The following ACBD6 variants were observed in gnomAD, a reference collection of about 807,000 sequenced individuals.
ACBD6 encodes acyl-CoA binding domain containing 6.
A neutral mutation model predicts 37.2 loss-of-function variants in ACBD6; 28 were observed. The ratio of observed to expected loss-of-function variants is 0.75; its 90% CI spans 0.56 to 1.03. The LOEUF (loss-of-function observed/expected upper bound fraction) is 1.03. Among genes scored for constraint, ACBD6 ranks in the 50% least tolerant of loss-of-function variants. The pLI is 0.00. For missense variants in ACBD6, 340 were observed against 337.4 expected (o/e 1.01, Z -0.06); for synonymous variants, 113 against 126.8 (o/e 0.89, Z 0.73).
rs150497052 is a variant in ACBD6 at position 180,447,624 on chromosome 1, A to G, written c.385-17362T>C. On this transcript the variant is annotated intron_variant, in intron 3 of 7. Coordinates refer to ENST00000367595, the MANE Select transcript of ACBD6 (RefSeq NM_032360.4). ...CATGGAAAACTACCTTCAGGTTATT[A>G]TGACTAATTTTCTAGAAATATAACA... is the stretch of plus-strand genomic sequence containing the variant. Among the ~76,000 whole-genome samples the G allele has an allele frequency of 6.3e-3, 963 of 152,266 alleles. 9 individuals are homozygous for G. Among genetic ancestry groups the G allele is most frequent in the African/African-American group, 0.022 (915 of 41,572 alleles).
rs140521369 is a variant in ACBD6 at position 180,293,496 on chromosome 1, C to T, written c.695-4979G>A. Among the ~76,000 whole-genome samples, 914 of 152,036 alleles carry T rather than the reference C, an allele frequency of 6.0e-3. 6 individuals carry two copies. The highest frequency in any genetic ancestry group is 0.011 in the Non-Finnish European group (722 of 67,956). On this transcript the variant is annotated intron_variant, in intron 7 of 7. Coordinates refer to ENST00000367595, the MANE Select transcript of ACBD6 (RefSeq NM_032360.4). ...CTAATTTTTGTATTTTTAGTAGAGA[C>T]GGGGTTTTGCCACATTGGCCAGGCT...
At chr1:180,296,837 G>A (rs1486754624) in intron 7 of ACBD6, among the ~76,000 whole-genome samples, 1 of 150,990 alleles carries the variant, frequency 6.6e-6, no homozygotes, top group Non-Finnish European at 1.5e-5. Flanking sequence ...AAGAATAGGT[G>A]AACTCTCAGC....
chr1:180,442,806 T>A (rs2102015434), intron 3 of ACBD6, among the ~76,000 whole-genome samples: 1 of 152,018 alleles, frequency 6.6e-6, no homozygotes, highest in East Asian at 1.9e-4. Flanking sequence ...ATCTAAAAGT[T>A]CCATTTTGAT....
chr1:180,380,422 AT>A (rs1400083505), intron 6 of ACBD6, among the ~76,000 whole-genome samples: 1 of 152,138 alleles, frequency 6.6e-6, no homozygotes, highest in Non-Finnish European at 1.5e-5. Context: ...TGGATGATAT[AT>A]TCAAAGTCCT....
chr1:180,366,735 C>T (rs1653068776), intron 6 of ACBD6, among the ~76,000 whole-genome samples: 1 of 152,044 alleles, frequency 6.6e-6, no homozygotes, highest in Non-Finnish European at 1.5e-5. Context: ...AAAAGTTACA[C>T]TGAAAGGAAA....
At position 180,449,751 on chromosome 1, in the gene ACBD6, C is replaced by T. The variant is rs1020955859; in HGVS notation, c.385-19489G>A. 8.6e-5 allele frequency among the ~76,000 whole-genome samples: 13 copies of T among 151,434 alleles called. No homozygotes were observed. In the East Asian group the frequency reaches 9.7e-4, roughly 11 times the overall value. ...ACACAGGGTGGGGAACATCACACACCGGGGCCTGTTGTAGGGTGGGGACAG... is the reference window on the plus strand; with the variant it reads ...ACACAGGGTGGGGAACATCACACACTGGGGCCTGTTGTAGGGTGGGGACAG... On this transcript the variant is annotated intron_variant, in intron 3 of 7. Coordinates refer to ENST00000367595, the MANE Select transcript of ACBD6 (RefSeq NM_032360.4).
intron 2 of ACBD6, among the ~76,000 whole-genome samples, chr1:180,494,899 T>A (rs551915998): frequency 9.2e-5 from 14 of 152,308 alleles, no homozygotes; most frequent in African/African-American, 2.4e-4. Context: ...CTCTTTTTTT[T>A]ATATATTCAG....
intron 6 of ACBD6, among the ~76,000 whole-genome samples, chr1:180,372,763 T>C (rs542005387): frequency 6.6e-6 from 1 of 152,286 alleles, no homozygotes; most frequent in South Asian, 2.1e-4. Flanking sequence ...GAGTATCACT[T>C]ACTTCTTTCC....
intron 6 of ACBD6, among the ~76,000 whole-genome samples, chr1:180,386,727 G>C (rs1334165191): frequency 6.6e-6 from 1 of 151,624 alleles, no homozygotes; most frequent in Non-Finnish European, 1.5e-5. Context: ...TTTTATTTCA[G>C]CTATTATATT....
At chr1:180,426,099 A>G (rs1422734694) in intron 4 of ACBD6, among the ~76,000 whole-genome samples, 2 of 152,134 alleles carry the variant, frequency 1.3e-5, no homozygotes, top group Non-Finnish European at 2.9e-5. Context: ...AAAACACTTC[A>G]TTTGTCTCAC....
chr1:180,500,760 G>T (rs1340730485), intron 1 of ACBD6, among the ~76,000 whole-genome samples: 4 of 150,568 alleles, frequency 2.7e-5, no homozygotes, highest in African/African-American at 7.4e-5. Flanking sequence ...AGCACTTTGG[G>T]CAGGTGGATC....
In ACBD6 at chr1:180,397,593, G is replaced by T. The variant is rs770893317; in HGVS notation, c.586C>A (p.Leu196Ile). ...TGTCCTCGATCACAGGCCCAGTGAA[G>T]TAGAGCCCTACCCTAAAAACACAGA... ...NVKDEEGRAL[L>I]HWACDRGHKE... Residue 196 changes from leucine to isoleucine, a missense_variant, in exon 6 of 8, where the codon CTT (leucine) becomes ATT (isoleucine). By Grantham distance (5) the Leu-to-Ile change is conservative. Coordinates refer to ENST00000367595, the MANE Select transcript of ACBD6 (RefSeq NM_032360.4). 1 of 1,613,796 alleles carries T rather than the reference G, an allele frequency of 6.2e-7. No individual in the cohort carries two copies. Among genetic ancestry groups the T allele is most frequent in the East Asian group, 2.2e-5 (1 of 44,872 alleles).
intron 4 of ACBD6, among the ~76,000 whole-genome samples, chr1:180,425,615 A>AT (rs1648552453): frequency 6.6e-6 from 1 of 152,330 alleles, no homozygotes; most frequent in Non-Finnish European, 1.5e-5. Context: ...TGTAGAACAC[A>AT]TACTCTTGAA....
intron 3 of ACBD6, among the ~76,000 whole-genome samples, chr1:180,457,248 C>A (rs1274203781): frequency 1.3e-5 from 2 of 152,202 alleles, no homozygotes; most frequent in East Asian, 3.9e-4. Context: ...GGTCCAACTG[C>A]CTGGTGAAGG....
At chr1:180,284,193 A>C (rs184286643), downstream of ACBD6, among the ~76,000 whole-genome samples, 63 of 152,342 alleles carry the variant, frequency 4.1e-4, no homozygotes, top group East Asian at 0.01. Context: ...AAGCATAAGA[A>C]GGAAGCATAT....
intron 3 of ACBD6, among the ~76,000 whole-genome samples, chr1:180,471,153 ACTTTGGG>A (rs1452334127): frequency 1.4e-4 from 22 of 152,124 alleles, no homozygotes; most frequent in African/African-American, 5.3e-4. Context: ...TAATCCCAGC[ACTTTGGG>A]AGGCTGAGGT....
At chr1:180,422,159 G>A (rs191829824) in intron 4 of ACBD6, among the ~76,000 whole-genome samples, 2 of 151,804 alleles carry the variant, frequency 1.3e-5, no homozygotes, top group African/African-American at 4.8e-5. Flanking sequence ...CAAGGTTCTT[G>A]TACTTGCCAG....
At chr1:180,274,950 G>A (rs1239329012) in exon 10 of ACBD6, 1 of 194,954 alleles carries the variant, frequency 5.1e-6, no homozygotes, top group East Asian at 1.2e-4. Context: ...CAACTGGTGT[G>A]TCTCACACAA....
chr1:180,364,976 G>A (rs555047351), intron 6 of ACBD6, among the ~76,000 whole-genome samples: 16 of 152,096 alleles, frequency 1.1e-4, no homozygotes, highest in Non-Finnish European at 1.6e-4. Context: ...CTCGTGATCC[G>A]CCCACCTTGG....
Sources: allele counts gnomAD v4.1 joint callset (sites outside exome capture counted in the v4.1 genomes callset), GRCh38; gene constraint gnomAD v4.1.1; transcripts MANE v1.5; gene names NCBI Gene and HGNC (gene_info 2026-07-23, HGNC 2026-07-21).